NR2F6: variants seen among roughly 807,000 people sequenced by gnomAD.
NR2F6 encodes ERBA-related gene-2.
Under a neutral mutation model 26.5 loss-of-function variants are expected in NR2F6, and 16 were observed. The observed-to-expected ratio is 0.60, with a 90% CI of 0.41 to 0.92. NR2F6 has a LOEUF of 0.92. Among genes scored for constraint, NR2F6 ranks in the 40% least tolerant of loss-of-function variants. NR2F6 has a pLI of 0.00. For synonymous variants in NR2F6, 325 were observed against 305.0 expected (o/e 1.07, Z -0.68); for missense variants, 536 against 631.7 (o/e 0.85, Z 1.62).
rs1487324192 is a variant in NR2F6 at position 17,245,834 on chromosome 19, C to G, written c.-614G>C. 2 of 146,682 alleles carry G rather than the reference C, an allele frequency of 1.4e-5. No individual in the cohort carries two copies. The highest frequency in any genetic ancestry group is 4.9e-5 in the African/African-American group (2 of 40,828). The allele number at this position is 146,682 out of a possible 1,614,324, so 9.1% of individuals were successfully genotyped here. ...CCCGCTGCGGCCGCTCCTGCCTGGCCTGGGCCTGCGCCTGGGCCCAAGCCT... is the reference window on the plus strand; with the variant it reads ...CCCGCTGCGGCCGCTCCTGCCTGGCGTGGGCCTGCGCCTGGGCCCAAGCCT... On this transcript the variant is annotated 5_prime_UTR_variant, in exon 1 of 4. Transcript: ENST00000291442. The surrounding 1 kb of genome is among the most constrained non-coding windows in gnomAD (Gnocchi z 5.0).
chr19:17,244,795 C>A lies in NR2F6; in HGVS notation c.278+148G>T, dbSNP rs769099654. 15 of 874,820 alleles carry A rather than the reference C, an allele frequency of 1.7e-5. No homozygotes were observed. The African/African-American group carries it at 2.3e-4, about 14-fold the overall frequency. 54.2% of individuals were successfully genotyped at this position (874,820 alleles called of 1,614,324 possible). On this transcript the variant is annotated intron_variant, in intron 1 of 3. Transcript: ENST00000291442. ...TATACACAATCCCAGCCATGGAATG[C>A]GGGAGGAGGGTGCTGTGCCCCTATC... is the stretch of plus-strand genomic sequence containing the variant.
chr19:17,236,729 C>T (rs994158139), intron 2 of NR2F6, among the ~76,000 whole-genome samples: 1 of 152,144 alleles, frequency 6.6e-6, no homozygotes, highest in African/African-American at 2.4e-5. Context: ...CCCTGAGGGC[C>T]GGTCTGGGTC....
In NR2F6 at chr19:17,235,942, A is replaced by G; in HGVS notation, c.497T>C (p.Val166Ala). ...SGGDLFPGQPVSELIAQLLRA... is the reference protein window; with the variant it reads ...SGGDLFPGQPASELIAQLLRA... ...CAGCAGCTGCGCGATCAGTTCGGACACCGGCTGCCCCGGGAAGAGGTCTCC... is the reference window on the plus strand; with the variant it reads ...CAGCAGCTGCGCGATCAGTTCGGACGCCGGCTGCCCCGGGAAGAGGTCTCC... The change falls in exon 3 of 4, where the codon GTG becomes GCG. Residue 166 changes from valine to alanine, a missense_variant. By Grantham distance (64) the Val-to-Ala change is moderately conservative (BLOSUM62 0). Transcript: ENST00000291442. This position sits in a 1 kb window ranked among gnomAD's most constrained non-coding sequence, Gnocchi z 5.0. 2.0e-6 allele frequency: 3 copies of G among 1,481,740 alleles called. No individual in the cohort carries two copies. Among genetic ancestry groups the G allele is most frequent in the Non-Finnish European group, 2.7e-6 (3 of 1,123,112 alleles). 91.8% of individuals were successfully genotyped at this position (1,481,740 alleles called of 1,614,324 possible).
At chr19:17,239,289 A>G (rs1339197800) in intron 2 of NR2F6, among the ~76,000 whole-genome samples, 1 of 151,664 alleles carries the variant, frequency 6.6e-6, no homozygotes, top group Non-Finnish European at 1.5e-5. Context: ...GTGAGCCGAG[A>G]TGGCACCACA....
In NR2F6 at chr19:17,232,634, GA is replaced by G. The variant is rs2073414164; in HGVS notation, c.941-9del. 1.3e-6 allele frequency: 2 copies of G among 1,523,736 alleles called. No homozygotes were observed. Among genetic ancestry groups the G allele is most frequent in the Non-Finnish European group, 1.8e-6 (2 of 1,140,714 alleles). The allele number at this position is 1,523,736 out of a possible 1,614,324, so 94.4% of individuals were successfully genotyped here. Reference sequence around the variant, plus strand: ...CTGAGAGGCCACAGGCGTCTAGGGGGACAAAGGCAAGTCAGACAGGTGGGAG... The same window carrying G: ...CTGAGAGGCCACAGGCGTCTAGGGGGCAAAGGCAAGTCAGACAGGTGGGAG... On this transcript the variant is annotated splice_polypyrimidine_tract_variant and intron_variant, in intron 3 of 3. Coordinates refer to ENST00000291442, the MANE Select transcript of NR2F6 (RefSeq NM_005234.4).
chr19:17,237,410 CCTCT>C (rs751795126), intron 2 of NR2F6, among the ~76,000 whole-genome samples: 18 of 148,076 alleles, frequency 1.2e-4, no homozygotes, highest in Non-Finnish European at 2.1e-4. Context: ...TCTCTCTCTC[CCTCT>C]CTCTCTCTCT....
intron 1 of NR2F6, chr19:17,244,591 C>G: frequency 4.0e-6 from 1 of 250,296 alleles, no homozygotes; most frequent in Non-Finnish European, 7.7e-6. Context: ...CCGGGATCCC[C>G]GAGAACGGGT....
At chr19:17,238,693 G>A (rs1254340796) in intron 2 of NR2F6, among the ~76,000 whole-genome samples, 3 of 152,074 alleles carry the variant, frequency 2.0e-5, no homozygotes, top group Non-Finnish European at 2.9e-5. Flanking sequence ...AACTTAAAAG[G>A]GCCACAGGGA....
rs1051172125 is a variant in NR2F6 at position 17,235,213 on chromosome 19, G to A, written c.940+286C>T. 6.6e-6 allele frequency among the ~76,000 whole-genome samples: 1 copy of A among 152,248 alleles called. No homozygotes were observed. Among genetic ancestry groups the A allele is most frequent in the African/African-American group, 2.4e-5 (1 of 41,478 alleles). On this transcript the variant is annotated intron_variant, in intron 3 of 3. Coordinates refer to ENST00000291442, the MANE Select transcript of NR2F6 (RefSeq NM_005234.4). The surrounding 1 kb of genome is among the most constrained non-coding windows in gnomAD (Gnocchi z 5.0). ...CTCAGGGAGCCTGGGAACAGGAAGAGGGTTCTGGGGTCTGGGCCCTGGTCC... is the reference window on the plus strand; with the variant it reads ...CTCAGGGAGCCTGGGAACAGGAAGAAGGTTCTGGGGTCTGGGCCCTGGTCC...
At chr19:17,234,045 A>C (rs1278311312) in intron 3 of NR2F6, among the ~76,000 whole-genome samples, 4 of 151,858 alleles carry the variant, frequency 2.6e-5, no homozygotes, top group African/African-American at 9.7e-5. Context: ...CAACATGATG[A>C]AACCCCGTCT....
Position 17,235,662 on chromosome 19 carries a change from T to C in NR2F6, c.777A>G (p.Leu259=). ...QAALPLHTAP[L]LAAAGLHAAP... is the part of the protein sequence containing the mutation. ...CGGCGTGGAGGCCGGCGGCGGCCAG[T>C]AGCGGCGCCGTGTGCAGGGGCAGCG... The change falls in exon 3 of 4, where the codon CTA becomes CTG. Residue 259 remains leucine, a synonymous_variant. Coordinates refer to ENST00000291442, the MANE Select transcript of NR2F6 (RefSeq NM_005234.4). The surrounding 1 kb of genome is among the most constrained non-coding windows in gnomAD (Gnocchi z 5.0). 1 of 1,519,490 alleles carries C rather than the reference T, an allele frequency of 6.6e-7. No homozygotes were observed. The highest frequency in any genetic ancestry group is 8.8e-7 in the Non-Finnish European group (1 of 1,141,468). 94.1% of individuals were successfully genotyped at this position (1,519,490 alleles called of 1,614,324 possible). A position where few individuals can be genotyped will look rare whatever the true frequency, so the allele number is the denominator to read the frequency against.
Position 17,235,458 on chromosome 19 carries a change from G to A in NR2F6, c.940+41C>T. On this transcript the variant is annotated intron_variant, in intron 3 of 3. Transcript: ENST00000291442. This position sits in a 1 kb window ranked among gnomAD's most constrained non-coding sequence, Gnocchi z 5.0. ...GGCCGCCCTCCTCCTAACCTCCCTT[G>A]GGTCCCCCCATCCCGCGGCCCTCTT... The A allele has an allele frequency of 6.5e-7, 1 of 1,541,944 alleles. No individual in the cohort carries two copies. The highest frequency in any genetic ancestry group is 8.7e-7 in the Non-Finnish European group (1 of 1,150,084).
In NR2F6 at chr19:17,232,634, G is replaced by T. The variant is rs62126223; in HGVS notation, c.941-8C>A. 7.9e-6 allele frequency: 12 copies of T among 1,523,736 alleles called. No homozygotes were observed. The highest frequency in any genetic ancestry group is 6.2e-5 in the Admixed American group (3 of 48,068). 94.4% of individuals were successfully genotyped at this position (1,523,736 alleles called of 1,614,324 possible). On this transcript the variant is annotated splice_region_variant and splice_polypyrimidine_tract_variant and intron_variant, in intron 3 of 3. Transcript: ENST00000291442. ...CTGAGAGGCCACAGGCGTCTAGGGG[G>T]ACAAAGGCAAGTCAGACAGGTGGGA...
At chr19:17,240,053 C>T (rs906067872) in intron 2 of NR2F6, among the ~76,000 whole-genome samples, 1 of 152,134 alleles carries the variant, frequency 6.6e-6, no homozygotes, top group Non-Finnish European at 1.5e-5. Context: ...TGGCAGAGTT[C>T]TAGGCCCAGC....
chr19:17,235,974 C>T lies in NR2F6; in HGVS notation c.465G>A (p.Ala155=), dbSNP rs1315903139. Residue 155 remains alanine (A), a synonymous_variant, in exon 3 of 4, where the codon GCG becomes GCA. Coordinates refer to ENST00000291442, the MANE Select transcript of NR2F6 (RefSeq NM_005234.4). The surrounding 1 kb of genome is among the most constrained non-coding windows in gnomAD (Gnocchi z 5.0). ...SPPGSALAAV[A]SGGDLFPGQP... ...GCCCCGGGAAGAGGTCTCCGCCGCT[C>T]GCCACTGCCGCCAGCGCCGAGCCCG... 9 of 1,467,450 alleles carry T rather than the reference C, an allele frequency of 6.1e-6. No individual in the cohort carries two copies. The East Asian group carries it at 1.5e-4, about 24-fold the overall frequency. The allele number at this position is 1,467,450 out of a possible 1,614,324, so 90.9% of individuals were successfully genotyped here.
intron 1 of NR2F6, among the ~76,000 whole-genome samples, chr19:17,241,031 G>A (rs2073466484): frequency 6.6e-6 from 1 of 152,216 alleles, no homozygotes; most frequent in Admixed American, 6.5e-5. Context: ...GGGTTTTGAA[G>A]GATGAATAGG....
In NR2F6 at chr19:17,239,615, C is replaced by A. The variant is rs1279379660; in HGVS notation, c.373+1056G>T. Among the ~76,000 whole-genome samples the A allele has an allele frequency of 3.3e-5, 5 of 151,450 alleles. No homozygotes were observed. In the South Asian group the frequency reaches 8.3e-4, roughly 25 times the overall value. Reference sequence around the variant, plus strand: ...CCTGCAGTGAGCCGAGATCATGCCACTGCACTCCAGCCTGGGCGACAGAGC... The same window carrying A: ...CCTGCAGTGAGCCGAGATCATGCCAATGCACTCCAGCCTGGGCGACAGAGC... On this transcript the variant is annotated intron_variant, in intron 2 of 3. Transcript: ENST00000291442.
rs774210813 is a variant in NR2F6 at position 17,240,799 on chromosome 19, C to A, written c.279-34G>T. 2.5e-6 allele frequency: 4 copies of A among 1,601,712 alleles called. No individual in the cohort carries two copies. The South Asian group carries it at 3.3e-5, about 13-fold the overall frequency. ...ACACAGAAGCCAGGGCTCCCTGAGACCCCCATATCCTCCTCCCCGAACCAG... is the reference window on the plus strand; with the variant it reads ...ACACAGAAGCCAGGGCTCCCTGAGAACCCCATATCCTCCTCCCCGAACCAG... On this transcript the variant is annotated intron_variant, in intron 1 of 3. Transcript: ENST00000291442.
intron 2 of NR2F6, among the ~76,000 whole-genome samples, chr19:17,237,400 T>C (rs1055768213): frequency 1.4e-5 from 2 of 144,854 alleles, no homozygotes; most frequent in South Asian, 2.4e-4. Flanking sequence ...TCTTCCTCTC[T>C]CTCTCTCTCC....
Sources: allele counts gnomAD v4.1 joint callset (sites outside exome capture counted in the v4.1 genomes callset), GRCh38; gene constraint gnomAD v4.1.1; non-coding constraint Gnocchi (gnomAD v3.1); transcripts MANE v1.5; gene names NCBI Gene and HGNC (gene_info 2026-07-23, HGNC 2026-07-21).